The following FIGNL1 variants were observed in gnomAD, a reference collection of about 807,000 sequenced individuals.
FIGNL1 encodes the protein fidgetin like 1, also known as fidgetin-like protein 1.
A neutral mutation model predicts 28.9 loss-of-function variants in FIGNL1; 11 were observed. The ratio of observed to expected loss-of-function variants is 0.38; its 90% CI spans 0.24 to 0.63. The LOEUF (loss-of-function observed/expected upper bound fraction) is 0.63. Among genes scored for constraint, FIGNL1 ranks in the 20% least tolerant of loss-of-function variants. The pLI is 0.57. For synonymous variants in FIGNL1, 295 were observed against 276.5 expected (o/e 1.07, Z -0.66); for missense variants, 789 against 810.4 (o/e 0.97, Z 0.32).
chr7:50,450,089 T>C (rs1052332673), intron 1 of FIGNL1: 1 of 152,316 alleles, frequency 6.6e-6, no homozygotes, highest in Non-Finnish European at 1.5e-5. Context: ...AGTCTGGTTC[T>C]GGGCTAGCGG....
intron 3 of FIGNL1, chr7:50,447,965 G>A (rs1821329480): frequency 6.6e-6 from 1 of 152,220 alleles, no homozygotes; most frequent in South Asian, 2.1e-4. Flanking sequence ...TTGAACTCCT[G>A]ACCTCAGGTA....
chr7:50,445,176 A>C lies in FIGNL1; in HGVS notation c.*87T>G. ...GTACAGAACTTAGAATATATTCTTA[A>C]AAATACAATTAACACATCCCCAACT... On this transcript the variant is annotated 3_prime_UTR_variant, in exon 4 of 4. Transcript: ENST00000433017. 1 of 758,002 alleles carries C rather than the reference A, an allele frequency of 1.3e-6. No homozygotes were observed. The highest frequency in any genetic ancestry group is 2.0e-6 in the Non-Finnish European group (1 of 498,266). 47.0% of individuals were successfully genotyped at this position (758,002 alleles called of 1,614,324 possible).
chr7:50,445,945 G>GT lies in FIGNL1; in HGVS notation c.1342dup (p.Thr448AsnfsTer9). The GT allele has an allele frequency of 1.2e-6, 2 of 1,614,120 alleles. No individual in the cohort carries two copies. The highest frequency in any genetic ancestry group is 1.7e-6 in the Non-Finnish European group (2 of 1,180,026). ...ACTAGCAATGCACTTGCCAATTAGA[G>GT]TTTTACCAGTCCCAGGAGGACCAAA... On this transcript the variant is annotated frameshift_variant, in exon 4 of 4. Coordinates refer to ENST00000433017, the MANE Select transcript of FIGNL1 (RefSeq NM_001287492.4). LOFTEE classifies it high-confidence loss of function.
In FIGNL1 at chr7:50,446,469, T is replaced by G. The variant is rs140225959; in HGVS notation, c.819A>C (p.Ile273=). ...CTGTTTTACTACAAGCCTTATTCAGTATTGGATTGGAAAGTGCATCAATGG... is the reference window on the plus strand; with the variant it reads ...CTGTTTTACTACAAGCCTTATTCAGGATTGGATTGGAAAGTGCATCAATGG... The part of the protein sequence containing the change: ...SGTIDALSNP[I]LNKACSKTED... Residue 273 remains isoleucine, a synonymous_variant, in exon 4 of 4, where the codon ATA becomes ATC. Transcript: ENST00000433017. The G allele has an allele frequency of 5.3e-5, 85 of 1,614,218 alleles. No individual in the cohort carries two copies. In the African/African-American group the frequency reaches 8.7e-4, roughly 16 times the overall value.
chr7:50,445,110 C>A lies in FIGNL1; in HGVS notation c.*153G>T. 1 of 490,766 alleles carries A rather than the reference C, an allele frequency of 2.0e-6. No individual in the cohort carries two copies. Among genetic ancestry groups the A allele is most frequent in the South Asian group, 5.0e-5 (1 of 19,834 alleles). 30.4% of individuals were successfully genotyped at this position (490,766 alleles called of 1,614,324 possible). ...GGAAAGCAAAACTTACATTAACATA[C>A]ACTATGTCAATCAGATGTAAAATCT... is the stretch of plus-strand genomic sequence containing the variant. On this transcript the variant is annotated 3_prime_UTR_variant, in exon 4 of 4. Transcript: ENST00000433017.
rs867570914 is a variant in FIGNL1, at chr7:50,446,306, G to A, written c.982C>T (p.Leu328=). 6.2e-7 allele frequency: 1 copy of A among 1,614,166 alleles called. No homozygotes were observed. Among genetic ancestry groups the A allele is most frequent in the Non-Finnish European group, 8.5e-7 (1 of 1,180,032 alleles). ...ATCCCTCGGGATCTACTAGCTCCTA[G>A]AGACTTTTTTACACCACCATATGAA... ...GSSYGGVKKS[L]GASRSRGILG... Residue 328 remains leucine (L), a synonymous_variant, in exon 4 of 4, where the codon CTA becomes TTA. Coordinates refer to ENST00000433017, the MANE Select transcript of FIGNL1 (RefSeq NM_001287492.4).
At position 50,446,359 on chromosome 7, in the gene FIGNL1, T is replaced by C. The variant is rs1266302477; in HGVS notation, c.929A>G (p.Tyr310Cys). 6.2e-7 allele frequency: 1 copy of C among 1,614,176 alleles called. No homozygotes were observed. Among genetic ancestry groups the C allele is most frequent in the Admixed American group, 1.7e-5 (1 of 60,014 alleles). The change falls in exon 4 of 4, where the codon TAC becomes TGC. Residue 310 changes from tyrosine (Y) to cysteine (C), a missense_variant. Transcript: ENST00000433017. ...EQLWVDQQKKYHQPQRASGSS... is the reference protein window; with the variant it reads ...EQLWVDQQKKCHQPQRASGSS... ...CCCTGATGCACGCTGAGGTTGGTGG[T>C]ACTTTTTTTGCTGATCTACCCATAA...
rs1186312610 is a variant in FIGNL1 at position 50,445,897 on chromosome 7, C to T, written c.1391G>A (p.Ser464Asn). The T allele has an allele frequency of 6.2e-7, 1 of 1,614,094 alleles. No individual in the cohort carries two copies. Among genetic ancestry groups the T allele is most frequent in the South Asian group, 1.1e-5 (1 of 91,090 alleles). ...IASQSGATFF[S>N]ISASSLTSKW... ...AGAAGTTAAGGATGAAGCAGAGATG[C>T]TAAAGAATGTTGCCCCAGACTGACT... Residue 464 changes from serine (S) to asparagine (N), a missense_variant, in exon 4 of 4, where the codon AGC (serine) becomes AAC (asparagine). Transcript: ENST00000433017.
At position 50,444,416 on chromosome 7, in the gene FIGNL1, T is replaced by C. The variant is rs1562952332; in HGVS notation, c.*847A>G. 1 of 152,218 alleles carries C rather than the reference T, an allele frequency of 6.6e-6. No individual in the cohort carries two copies. Among genetic ancestry groups the C allele is most frequent in the Admixed American group, 6.5e-5 (1 of 15,284 alleles). The allele number at this position is 152,218 out of a possible 1,614,324, so 9.4% of individuals were successfully genotyped here. A position where few individuals can be genotyped will look rare whatever the true frequency, so the allele number is the denominator to read the frequency against. On this transcript the variant is annotated 3_prime_UTR_variant, in exon 4 of 4. Coordinates refer to ENST00000433017, the MANE Select transcript of FIGNL1 (RefSeq NM_001287492.4). ...TACATTACACAATCCTACTGCTGTA[T>C]AAAACAAAACATCTGGAAGAATCTA...
chr7:50,449,805 A>C (rs970195107), intron 1 of FIGNL1, 82 bp from the exon 2 acceptor site: 25 of 152,272 alleles, frequency 1.6e-4, no homozygotes, highest in African/African-American at 5.5e-4. Context: ...CTCAGCACTT[A>C]GAAAATACTC....
chr7:50,447,074 A>C lies in FIGNL1; in HGVS notation c.214T>G (p.Ser72Ala), dbSNP rs1821078373. ...YAEKYSAIID[S>A]DNVESGLNNY... ...TTCAACCCAGATTCAACATTGTCAG[A>C]ATCAATAATTGCAGAATATTTCTCT... Residue 72 changes from serine (S) to alanine (A), a missense_variant, in exon 4 of 4, where the codon TCT becomes GCT. Physicochemically the swap from Ser to Ala is moderately conservative, Grantham distance 99. Coordinates refer to ENST00000433017, the MANE Select transcript of FIGNL1 (RefSeq NM_001287492.4). 2 of 1,614,232 alleles carry C rather than the reference A, an allele frequency of 1.2e-6. No individual in the cohort carries two copies. The highest frequency in any genetic ancestry group is 3.3e-5 in the Admixed American group (2 of 60,030).
At position 50,446,779 on chromosome 7, in the gene FIGNL1, C is replaced by T. The variant is rs562775373; in HGVS notation, c.509G>A (p.Arg170Gln). 7.4e-6 allele frequency: 12 copies of T among 1,614,084 alleles called. No homozygotes were observed. The highest frequency in any genetic ancestry group is 3.3e-5 in the South Asian group (3 of 91,076). The change falls in exon 4 of 4, where the codon CGA becomes CAA. Residue 170 changes from arginine to glutamine, a missense_variant. Coordinates refer to ENST00000433017, the MANE Select transcript of FIGNL1 (RefSeq NM_001287492.4). ...SDSLPNSAHD[R>Q]DRTQDFPESN... ...CTCCGGGAAGTCTTGGGTCCGGTCT[C>T]GATCATGAGCTGAGTTAGGTAATGA...
rs1276777949 is a variant in FIGNL1 at position 50,444,947 on chromosome 7, C to T, written c.*316G>A. On this transcript the variant is annotated 3_prime_UTR_variant, in exon 4 of 4. Transcript: ENST00000433017. ...CAATAAAAGATGAATATTAATCAGA[C>T]ACAACTTTATATGTAATCTTCAACT... 1 of 175,690 alleles carries T rather than the reference C, an allele frequency of 5.7e-6. No individual in the cohort carries two copies. The allele number at this position is 175,690 out of a possible 1,614,324, so 10.9% of individuals were successfully genotyped here. A position where few individuals can be genotyped will look rare whatever the true frequency, so the allele number is the denominator to read the frequency against.
In FIGNL1 at chr7:50,446,450, T is replaced by C; in HGVS notation, c.838A>G (p.Lys280Glu). ...TCCTTTGGGCCATTATCTTCTGTTTTACTACAAGCCTTATTCAGTATTGGA... is the reference window on the plus strand; with the variant it reads ...TCCTTTGGGCCATTATCTTCTGTTTCACTACAAGCCTTATTCAGTATTGGA... ...SNPILNKACS[K>E]TEDNGPKEDS... The change falls in exon 4 of 4, where the codon AAA (lysine) becomes GAA (glutamate). Residue 280 changes from lysine to glutamate, a missense_variant. By Grantham distance (56) the Lys-to-Glu change is moderately conservative. Coordinates refer to ENST00000433017, the MANE Select transcript of FIGNL1 (RefSeq NM_001287492.4). 1 of 1,614,224 alleles carries C rather than the reference T, an allele frequency of 6.2e-7. No individual in the cohort carries two copies. The highest frequency in any genetic ancestry group is 8.5e-7 in the Non-Finnish European group (1 of 1,180,036).
rs774560910 is a variant in FIGNL1, at chr7:50,446,888, G to C, written c.400C>G (p.Leu134Val). Residue 134 changes from leucine to valine, a missense_variant, in exon 4 of 4, where the codon CTT (leucine) becomes GTT (valine). Transcript: ENST00000433017. ...KFKDSLLEPA[L>V]ASVVIHKEAT... Reference sequence around the variant, plus strand: ...TCCTTATGGATTACCACTGATGCAAGAGCAGGTTCCAACAGAGAGTCTTTG... The same window carrying C: ...TCCTTATGGATTACCACTGATGCAACAGCAGGTTCCAACAGAGAGTCTTTG... 6.2e-7 allele frequency: 1 copy of C among 1,614,218 alleles called. No individual in the cohort carries two copies. The highest frequency in any genetic ancestry group is 1.7e-5 in the Admixed American group (1 of 60,030).
At position 50,447,213 on chromosome 7, in the gene FIGNL1, T is replaced by C. The variant is rs771279506; in HGVS notation, c.75A>G (p.Ile25Met). ...ATGCATCTGCCTTCGGTCCGGTACA[T>C]ATGCCAGATGTAATTGCGAAGTAAT... The part of the protein sequence containing the change: ...QKNYFAITSG[I>M]CTGPKADAYR... The change falls in exon 4 of 4, where the codon ATA becomes ATG. Residue 25 changes from isoleucine to methionine, a missense_variant. Coordinates refer to ENST00000433017, the MANE Select transcript of FIGNL1 (RefSeq NM_001287492.4). The C allele has an allele frequency of 3.7e-6, 6 of 1,613,486 alleles. No individual in the cohort carries two copies. The highest frequency in any genetic ancestry group is 5.1e-6 in the Non-Finnish European group (6 of 1,179,398).
At position 50,445,566 on chromosome 7, in the gene FIGNL1, T is replaced by C. The variant is rs773978374; in HGVS notation, c.1722A>G (p.Lys574=). Residue 574 remains lysine (K), a synonymous_variant, in exon 4 of 4, where the codon AAA becomes AAG. Coordinates refer to ENST00000433017, the MANE Select transcript of FIGNL1 (RefSeq NM_001287492.4). ...TGGACATTAGATTAATTACTATCTGTTTCCTGGCTGAAGCTTCTGGGAGGG... is the reference window on the plus strand; with the variant it reads ...TGGACATTAGATTAATTACTATCTGCTTCCTGGCTGAAGCTTCTGGGAGGG... ...YIPLPEASAR[K]QIVINLMSKE... 30 of 1,614,230 alleles carry C rather than the reference T, an allele frequency of 1.9e-5. No individual in the cohort carries two copies. In the South Asian group the frequency reaches 3.0e-4, roughly 16 times the overall value.
intron 2 of FIGNL1, 157 bp downstream of exon 2, chr7:50,448,961 T>C (rs1406316919): frequency 1.3e-5 from 2 of 152,254 alleles, no homozygotes; most frequent in African/African-American, 2.4e-5. Context: ...ACCATTTTGA[T>C]GTTAAACTCA....
rs1212211341 is a variant in FIGNL1 at position 50,447,162 on chromosome 7, CT to C, written c.125del (p.Gln42ArgfsTer38). On this transcript the variant is annotated frameshift_variant, in exon 4 of 4. Transcript: ENST00000433017. LOFTEE classifies it low-confidence loss of function (END_TRUNC). ...DAYRAQILRI[Q>X]YAWANSEISQ... is the part of the protein sequence containing the mutation. ...AAATCTCAGAGTTTGCCCATGCATA[CT>C]GAATGCGTAATATCTGTGCACGGTA... 6 of 1,614,086 alleles carry C rather than the reference CT, an allele frequency of 3.7e-6. No individual in the cohort carries two copies. In the African/African-American group the frequency reaches 8.0e-5, roughly 22 times the overall value.
Sources: allele counts gnomAD v4.1 joint callset, GRCh38; gene constraint gnomAD v4.1.1; transcripts MANE v1.5; gene names NCBI Gene and HGNC (gene_info 2026-07-23, HGNC 2026-07-21).